The following UBTD2 variants were observed in gnomAD, a reference collection of about 807,000 sequenced individuals.
UBTD2 encodes ubiquitin domain containing 2, also known as ubiquitin domain-containing protein 2.
UBTD2 carries 9 observed loss-of-function variants against 19.8 expected under a neutral mutation model. The observed-to-expected ratio is 0.46, with a 90% CI of 0.27 to 0.79. The LOEUF (loss-of-function observed/expected upper bound fraction) is 0.79. Ranked by LOEUF, UBTD2 falls within the 30% of genes least tolerant of loss-of-function variation. The pLI is 0.14. For synonymous variants in UBTD2, 98 were observed against 103.9 expected (o/e 0.94, Z 0.35); for missense variants, 250 against 300.4 (o/e 0.83, Z 1.24).
chr5:172,243,810 G>A (rs1772181128), intron 1 of UBTD2, among the ~76,000 whole-genome samples: 2 of 151,826 alleles, frequency 1.3e-5, no homozygotes, highest in Non-Finnish European at 1.5e-5. Flanking sequence ...TGATCCACCC[G>A]CCTCGGCCTC....
rs1388019042 is a variant in UBTD2 at position 172,269,768 on chromosome 5, A to AT, written c.70+13827dup. Reference sequence around the variant, plus strand: ...AAAAAAAAAAAAAAAAGTTAAACACATTTTTTTTTTCTTTAAGAGTCAGGG... The same window carrying AT: ...AAAAAAAAAAAAAAAAGTTAAACACATTTTTTTTTTTCTTTAAGAGTCAGGG... On this transcript the variant is annotated intron_variant, in intron 1 of 2. Coordinates refer to ENST00000393792, the MANE Select transcript of UBTD2 (RefSeq NM_152277.3). Among the ~76,000 whole-genome samples, 775 of 144,998 alleles carry AT rather than the reference A, an allele frequency of 5.3e-3. 7 individuals carry two copies. The highest frequency in any genetic ancestry group is 0.018 in the African/African-American group (709 of 39,648).
intron 2 of UBTD2, among the ~76,000 whole-genome samples, chr5:172,233,633 G>A (rs186285640): frequency 4.6e-4 from 70 of 152,232 alleles, no homozygotes; most frequent in Non-Finnish European, 7.9e-4. Flanking sequence ...CTAAGTTTGG[G>A]TTTGCTTATT....
intron 1 of UBTD2, chr5:172,255,469 G>A (rs1014559424): frequency 4.8e-6 from 2 of 417,794 alleles, no homozygotes; most frequent in Admixed American, 5.3e-5. Flanking sequence ...CTGGTGTTTG[G>A]CTTTGAGAGG....
intron 2 of UBTD2, among the ~76,000 whole-genome samples, chr5:172,229,654 G>A (rs1440130151): frequency 2.0e-5 from 3 of 152,066 alleles, no homozygotes; most frequent in African/African-American, 7.2e-5. Context: ...AGAAAATCAG[G>A]AGGTAGAGGA....
At chr5:172,266,426 C>A (rs1755377108) in intron 1 of UBTD2, among the ~76,000 whole-genome samples, 1 of 152,146 alleles carries the variant, frequency 6.6e-6, no homozygotes, top group Non-Finnish European at 1.5e-5. Context: ...CTTTACCTAC[C>A]AGGTCCTTCT....
At chr5:172,271,491 C>G (rs537944251) in intron 1 of UBTD2, among the ~76,000 whole-genome samples, 1 of 151,838 alleles carries the variant, frequency 6.6e-6, no homozygotes, top group East Asian at 1.9e-4. Flanking sequence ...GCTTTCTGAC[C>G]CTGCCCCCCA....
At chr5:172,251,314 C>CAAAAAAAAAAAAAAAA (rs57577423) in intron 1 of UBTD2, among the ~76,000 whole-genome samples, 9 of 118,204 alleles carry the variant, frequency 7.6e-5, no homozygotes, top group South Asian at 5.8e-4. Flanking sequence ...GAGCCTATCT[C>CAAAAAAAAAAAAAAAA]AAAAAAAAAA....
intron 2 of UBTD2, among the ~76,000 whole-genome samples, chr5:172,223,617 A>AAAAAG (rs1561850764): frequency 7.7e-6 from 1 of 129,282 alleles, no homozygotes; most frequent in Non-Finnish European, 1.6e-5. Flanking sequence ...AAAAAAAAAA[A>AAAAAG]GCACACTTAG....
At chr5:172,243,340 G>T (rs1196766315) in intron 1 of UBTD2, among the ~76,000 whole-genome samples, 1 of 152,212 alleles carries the variant, frequency 6.6e-6, no homozygotes, top group East Asian at 1.9e-4. Context: ...GTGTGGTGAA[G>T]ATCTAATACC....
chr5:172,282,496 C>G (rs796770201), intron 1 of UBTD2, among the ~76,000 whole-genome samples: 23 of 152,276 alleles, frequency 1.5e-4, no homozygotes, highest in African/African-American at 5.5e-4. Flanking sequence ...GTGAAGAGAG[C>G]TTAAGTGACA....
intron 1 of UBTD2, among the ~76,000 whole-genome samples, chr5:172,276,447 A>G (rs1360638660): frequency 6.6e-6 from 1 of 152,140 alleles, no homozygotes; most frequent in Non-Finnish European, 1.5e-5. Context: ...ATTGTTTACA[A>G]CCACTTCCAA....
rs549394529 is a variant in UBTD2, at chr5:172,265,073, T to C, written c.70+18523A>G. Among the ~76,000 whole-genome samples the C allele has an allele frequency of 6.6e-5, 10 of 152,308 alleles. No individual in the cohort carries two copies. In the South Asian group the frequency reaches 1.7e-3, roughly 25 times the overall value. On this transcript the variant is annotated intron_variant, in intron 1 of 2. Transcript: ENST00000393792. The stretch of plus-strand genomic sequence containing the variant: ...GGGCTGAATAGGCTATACATGCAAT[T>C]AATACTCTGTTCACCTCCAAAGCAA...
At chr5:172,260,133 T>C (rs1011149567) in intron 1 of UBTD2, among the ~76,000 whole-genome samples, 14 of 147,498 alleles carry the variant, frequency 9.5e-5, no homozygotes, top group African/African-American at 3.3e-4. Flanking sequence ...AGTATTTTCC[T>C]ATTCATTAAA....
intron 1 of UBTD2, among the ~76,000 whole-genome samples, chr5:172,269,096 T>C (rs1220179487): frequency 6.6e-6 from 1 of 152,164 alleles, no homozygotes; most frequent in African/African-American, 2.4e-5. Flanking sequence ...AAAAGATATA[T>C]AAATATGACA....
intron 2 of UBTD2, among the ~76,000 whole-genome samples, chr5:172,215,535 T>C (rs992132865): frequency 7.2e-5 from 11 of 152,176 alleles, no homozygotes; most frequent in African/African-American, 2.7e-4. Context: ...GTATATTATG[T>C]CCACCTTTCC....
intron 2 of UBTD2, among the ~76,000 whole-genome samples, chr5:172,218,122 C>A (rs1209560011): frequency 7.2e-5 from 11 of 152,156 alleles, no homozygotes; most frequent in Non-Finnish European, 1.5e-4. Context: ...AAAATGAAAT[C>A]ATACAATGTC....
chr5:172,235,136 C>T (rs1220404163), intron 1 of UBTD2, among the ~76,000 whole-genome samples: 1 of 152,030 alleles, frequency 6.6e-6, no homozygotes, highest in Non-Finnish European at 1.5e-5. Context: ...TTTAAAAGAA[C>T]TGCCTAGAAG....
chr5:172,281,355 G>T (rs566186497), intron 1 of UBTD2, among the ~76,000 whole-genome samples: 2 of 152,148 alleles, frequency 1.3e-5, no homozygotes, highest in African/African-American at 4.8e-5. Flanking sequence ...AAAATTAGCC[G>T]GGTGCGGTGG....
intron 1 of UBTD2, among the ~76,000 whole-genome samples, chr5:172,276,154 C>T (rs1755599492): frequency 1.3e-5 from 2 of 152,260 alleles, no homozygotes; most frequent in African/African-American, 4.8e-5. Context: ...GCTCCAGAGA[C>T]AAAACTTTCT....
Sources: gnomAD v4.1 joint callset for allele counts (sites outside exome capture counted in the v4.1 genomes callset) on GRCh38, gnomAD v4.1.1 for gene constraint, MANE v1.5 for transcripts, NCBI Gene and HGNC (gene_info 2026-07-23, HGNC 2026-07-21) for gene names.